Variants in HUNK observed in about 807,000 individuals in gnomAD.
HUNK encodes hormonally up-regulated neu tumor-associated kinase.
A neutral mutation model predicts 61.0 loss-of-function variants in HUNK; 21 were observed. The ratio of observed to expected loss-of-function variants is 0.34; its 90% CI spans 0.24 to 0.50. The LOEUF is 0.50. Ranked by LOEUF, HUNK falls within the 20% of genes least tolerant of loss-of-function variation. HUNK has a pLI of 0.98. For missense variants in HUNK, 772 were observed against 945.7 expected (o/e 0.82, Z 2.41); for synonymous variants, 371 against 386.1 (o/e 0.96, Z 0.46).
At chr21:31,885,895 C>G (rs1228343146) in intron 1 of HUNK, among the ~76,000 whole-genome samples, 1 of 152,120 alleles carries the variant, frequency 6.6e-6, no homozygotes, top group African/African-American at 2.4e-5. Context: ...CCACCATACC[C>G]ACCTAATTTT....
rs1439842579 is a variant in HUNK, at chr21:31,999,547, C to T, written c.*363C>T. 1.8e-5 allele frequency: 4 copies of T among 228,570 alleles called. 1 individual carries two copies. The East Asian group carries it at 2.9e-4, about 17-fold the overall frequency. The allele number at this position is 228,570 out of a possible 1,614,324, so 14.2% of individuals were successfully genotyped here. A position where few individuals can be genotyped will look rare whatever the true frequency, so the allele number is the denominator to read the frequency against. The stretch of plus-strand genomic sequence containing the variant: ...TTACCAGATCTTTCTTCACGCTGTG[C>T]TACATGTGTGCCTCTCACAGCAGTT... On this transcript the variant is annotated 3_prime_UTR_variant, in exon 11 of 11. Transcript: ENST00000270112.
intron 4 of HUNK, among the ~76,000 whole-genome samples, chr21:31,947,187 G>C (rs543417342): frequency 6.7e-6 from 1 of 149,986 alleles, no homozygotes; most frequent in African/African-American, 2.5e-5. Context: ...AGCCAGTGGC[G>C]CCTGCGCATT....
intron 4 of HUNK, among the ~76,000 whole-genome samples, chr21:31,953,929 C>G (rs77525824): frequency 2.6e-5 from 4 of 152,264 alleles, no homozygotes. Flanking sequence ...ATGGCTCTGG[C>G]GCCATCTTGA....
chr21:31,945,898 C>A (rs2052799034), intron 3 of HUNK, 138 bp from the exon 4 acceptor site: 1 of 849,916 alleles, frequency 1.2e-6, no homozygotes, highest in East Asian at 2.5e-5. Flanking sequence ...CTACAGTTTT[C>A]TTTAGGATGC....
In HUNK at chr21:31,980,316, C is replaced by T. The variant is rs367903907; in HGVS notation, c.1174-3210C>T. 1.1e-4 allele frequency among the ~76,000 whole-genome samples: 16 copies of T among 151,706 alleles called. No individual in the cohort carries two copies. The East Asian group carries it at 2.5e-3, about 24-fold the overall frequency. On this transcript the variant is annotated intron_variant, in intron 7 of 10. Transcript: ENST00000270112. Reference sequence around the variant, plus strand: ...CAAACTCCTGACCCTGTGGTCTGCCCGCATCGGCCTCCCAAAGTGCTGGGA... The same window carrying T: ...CAAACTCCTGACCCTGTGGTCTGCCTGCATCGGCCTCCCAAAGTGCTGGGA...
chr21:31,904,639 C>T (rs1036070186), intron 1 of HUNK, among the ~76,000 whole-genome samples: 1 of 152,096 alleles, frequency 6.6e-6, no homozygotes, highest in Non-Finnish European at 1.5e-5. Context: ...TTCCGTGGGT[C>T]TTCCGTGTTT....
At chr21:31,906,922 C>T (rs2052509884) in intron 1 of HUNK, among the ~76,000 whole-genome samples, 1 of 152,116 alleles carries the variant, frequency 6.6e-6, no homozygotes, top group African/African-American at 2.4e-5. Flanking sequence ...CACCTGTAAT[C>T]CCAGCACTTT....
At chr21:31,908,653 G>T (rs924228210) in intron 1 of HUNK, among the ~76,000 whole-genome samples, 1 of 152,182 alleles carries the variant, frequency 6.6e-6, no homozygotes, top group Non-Finnish European at 1.5e-5. Flanking sequence ...CAAGTTCCCC[G>T]TCATGGCTGG....
intron 2 of HUNK, among the ~76,000 whole-genome samples, chr21:31,928,204 G>A (rs1028415170): frequency 6.6e-6 from 1 of 152,092 alleles, no homozygotes; most frequent in African/African-American, 2.4e-5. Flanking sequence ...GACTGGGAGC[G>A]GCAGATCTTT....
intron 1 of HUNK, among the ~76,000 whole-genome samples, chr21:31,875,816 AC>A (rs1480001025): frequency 6.6e-6 from 1 of 152,254 alleles, no homozygotes; most frequent in Non-Finnish European, 1.5e-5. Context: ...CACTGCAAGT[AC>A]ATTCTTCTCG....
chr21:31,986,899 G>T lies in HUNK; in HGVS notation c.1258-3230G>T, dbSNP rs140607651. On this transcript the variant is annotated intron_variant, in intron 8 of 10. Transcript: ENST00000270112. ...TGCCTACCACGTTCTACATCCTGGG[G>T]CCTGTCCCATTTGCAGCTGTTTATT... 5.1e-4 allele frequency among the ~76,000 whole-genome samples: 77 copies of T among 152,206 alleles called. 1 individual carries two copies. In the East Asian group the frequency reaches 0.014, roughly 28 times the overall value.
At chr21:31,949,423 C>T (rs1021460347) in intron 4 of HUNK, among the ~76,000 whole-genome samples, 1 of 152,154 alleles carries the variant, frequency 6.6e-6, no homozygotes, top group Admixed American at 6.5e-5. Flanking sequence ...TCTTCCAACC[C>T]TTAAGAACTC....
In HUNK at chr21:31,914,898, C is replaced by T. The variant is rs562718751; in HGVS notation, c.262-9570C>T. Among the ~76,000 whole-genome samples, 16 of 152,260 alleles carry T rather than the reference C, an allele frequency of 1.1e-4. No individual in the cohort carries two copies. The Middle Eastern group carries it at 0.017, about 163-fold the overall frequency. ...TTGGGGGTTAGGGCTTCAACATACG[C>T]AATTCAGTCTATTGCAGATGGCAAT... On this transcript the variant is annotated intron_variant, in intron 1 of 10. Coordinates refer to ENST00000270112, the MANE Select transcript of HUNK (RefSeq NM_014586.2).
chr21:31,989,713 CAAAAA>C lies in HUNK; in HGVS notation c.1258-400_1258-396del, dbSNP rs758563763. Among the ~76,000 whole-genome samples, 773 of 80,316 alleles carry C rather than the reference CAAAAA, an allele frequency of 9.6e-3. 10 individuals are homozygous for C. Among genetic ancestry groups the C allele is most frequent in the African/African-American group, 0.034 (717 of 20,850 alleles). 52.7% of individuals were successfully genotyped at this position (80,316 alleles called of 152,430 possible). ...TGTGTGACAGAGCGAGACTCGGTCT[CAAAAA>C]AAAAAAAAAAAAAAAGCCTGGTTAC... On this transcript the variant is annotated intron_variant, in intron 8 of 10. Coordinates refer to ENST00000270112, the MANE Select transcript of HUNK (RefSeq NM_014586.2).
At chr21:31,944,298 T>C (rs35951611) in intron 3 of HUNK, among the ~76,000 whole-genome samples, 45,027 of 152,158 alleles carry the variant, frequency 0.3, 7,448 homozygotes, top group African/African-American at 0.44. Flanking sequence ...AGGGTGGTTT[T>C]GAACTATTGG....
chr21:31,880,930 G>A (rs745554038), intron 1 of HUNK, among the ~76,000 whole-genome samples: 2 of 152,238 alleles, frequency 1.3e-5, no homozygotes, highest in African/African-American at 2.4e-5. Context: ...TGCCCATGCC[G>A]TGGTGAGTGC....
intron 2 of HUNK, among the ~76,000 whole-genome samples, chr21:31,935,087 G>A (rs1157761952): frequency 6.6e-6 from 1 of 152,148 alleles, no homozygotes; most frequent in African/African-American, 2.4e-5. Context: ...GAGGGTCTGG[G>A]TTGCTCACTG....
rs912093466 is a variant in HUNK at position 31,899,304 on chromosome 21, C to G, written c.262-25164C>G. On this transcript the variant is annotated intron_variant, in intron 1 of 10. Coordinates refer to ENST00000270112, the MANE Select transcript of HUNK (RefSeq NM_014586.2). ...CAAGGCGTTGGCAGAGCCATGCTCT[C>G]CCTGAATGCTGTAGGGGAGGAGAAT... 2.0e-5 allele frequency among the ~76,000 whole-genome samples: 3 copies of G among 152,178 alleles called. No individual in the cohort carries two copies. The East Asian group carries it at 5.8e-4, about 29-fold the overall frequency.
chr21:31,915,559 A>AT (rs1226637556), intron 1 of HUNK, among the ~76,000 whole-genome samples: 1 of 152,286 alleles, frequency 6.6e-6, no homozygotes, highest in East Asian at 1.9e-4. Context: ...TTTGATCAGT[A>AT]TATTTTTTTT....
Sources: allele counts gnomAD v4.1 joint callset (sites outside exome capture counted in the v4.1 genomes callset), GRCh38; gene constraint gnomAD v4.1.1; transcripts MANE v1.5; gene names NCBI Gene and HGNC (gene_info 2026-07-23, HGNC 2026-07-21).